RPS6KA2: variants seen among roughly 807,000 people sequenced by gnomAD.
The protein encoded by RPS6KA2 is ribosomal protein S6 kinase A2, also known as ribosomal protein S6 kinase alpha-2.
RPS6KA2 carries 42 observed loss-of-function variants against 91.8 expected under a neutral mutation model. The observed-to-expected ratio is 0.46, with a 90% CI of 0.36 to 0.59. The LOEUF is 0.59. Among genes scored for constraint, RPS6KA2 ranks in the 20% least tolerant of loss-of-function variants. The pLI, the probability that RPS6KA2 is intolerant of heterozygous loss-of-function variation, is 0.00. For synonymous variants in RPS6KA2, 414 were observed against 393.6 expected, an observed-to-expected ratio of 1.05 and a Z score of -0.61; for missense variants, 798 against 978.5, an observed-to-expected ratio of 0.82 and a Z score of 2.46.
chr6:166,671,696 A>G (rs566960869), intron 2 of RPS6KA2, among the ~76,000 whole-genome samples: 2 of 152,254 alleles, frequency 1.3e-5, no homozygotes, highest in African/African-American at 4.8e-5. Flanking sequence ...CAGCGCAGGG[A>G]AAAATGCAAA....
intron 2 of RPS6KA2, among the ~76,000 whole-genome samples, chr6:166,644,831 G>A (rs1159855433): frequency 6.6e-6 from 1 of 152,212 alleles, no homozygotes; most frequent in Non-Finnish European, 1.5e-5. Flanking sequence ...AATTGGATTA[G>A]GGTGGCTCTA....
At chr6:166,836,448 C>T (rs1343122869) in intron 2 of RPS6KA2, among the ~76,000 whole-genome samples, 1 of 151,606 alleles carries the variant, frequency 6.6e-6, no homozygotes, top group African/African-American at 2.4e-5. Flanking sequence ...AGTAAATATA[C>T]ATGTTAATTA....
chr6:166,803,357 T>C (rs760586964), intron 2 of RPS6KA2, among the ~76,000 whole-genome samples: 9 of 152,330 alleles, frequency 5.9e-5, no homozygotes, highest in Middle Eastern at 6.8e-3. Context: ...CCAAAACAGG[T>C]TGCTGAGCTG....
rs367768019 is a variant in RPS6KA2, at chr6:166,531,280, C to A, written c.250G>T (p.Ala84Ser). Residue 84 changes from alanine (A) to serine (S), a missense_variant, in exon 3 of 21, where the codon GCT becomes TCT. Physicochemically the swap from Ala to Ser is moderately conservative, Grantham distance 99. Transcript: ENST00000265678. Reference sequence around the variant, plus strand: ...ACCTTCATGGCGTAGAGCTGCCCAGCGTCGGACCCCTTCACCTTCCTCACC... The same window carrying A: ...ACCTTCATGGCGTAGAGCTGCCCAGAGTCGGACCCCTTCACCTTCCTCACC... Reference protein sequence around the residue: ...FLVRKVKGSDAGQLYAMKVLK... With the variant: ...FLVRKVKGSDSGQLYAMKVLK... 2.5e-6 allele frequency: 4 copies of A among 1,614,120 alleles called. No individual in the cohort carries two copies. The highest frequency in any genetic ancestry group is 1.7e-6 in the Non-Finnish European group (2 of 1,179,986).
chr6:166,572,333 A>G (rs1056744844), intron 1 of RPS6KA2, among the ~76,000 whole-genome samples: 2 of 152,280 alleles, frequency 1.3e-5, no homozygotes, highest in South Asian at 2.1e-4. Context: ...CAACATAAAC[A>G]TGAACGATTA....
upstream of RPS6KA2, chr6:166,862,712 G>GTTA (rs1781081588): frequency 6.6e-6 from 1 of 151,438 alleles, no homozygotes; most frequent in Non-Finnish European, 1.5e-5. Flanking sequence ...GCGGGGGGGG[G>GTTA]GGGCGGCAGG....
At chr6:166,581,215 C>T (rs1214292821) in intron 1 of RPS6KA2, among the ~76,000 whole-genome samples, 1 of 152,218 alleles carries the variant, frequency 6.6e-6, no homozygotes, top group Non-Finnish European at 1.5e-5. Flanking sequence ...TAATATTGCA[C>T]ATACATATTG....
intron 2 of RPS6KA2, among the ~76,000 whole-genome samples, chr6:166,799,535 T>G (rs1479441126): frequency 6.6e-6 from 1 of 151,344 alleles, no homozygotes; most frequent in East Asian, 1.9e-4. Context: ...AATTTGAGCT[T>G]ATAGAGAAAA....
At chr6:166,468,818 C>T (rs986392589) in intron 11 of RPS6KA2, among the ~76,000 whole-genome samples, 17 of 139,778 alleles carry the variant, frequency 1.2e-4, no homozygotes, top group African/African-American at 4.4e-4. Flanking sequence ...GAGCCGAGAT[C>T]GCGCCACTGC....
intron 16 of RPS6KA2, among the ~76,000 whole-genome samples, chr6:166,427,070 G>C (rs200325863): frequency 7.8e-6 from 1 of 127,494 alleles, no homozygotes; most frequent in African/African-American, 2.9e-5. Flanking sequence ...CTGGCAAACC[G>C]AATCCAGCAG....
chr6:166,796,350 G>T (rs887644312), intron 2 of RPS6KA2, among the ~76,000 whole-genome samples: 1 of 152,168 alleles, frequency 6.6e-6, no homozygotes, highest in Non-Finnish European at 1.5e-5. Flanking sequence ...CAGCACTTTG[G>T]GAGGCCGAGG....
chr6:166,802,977 G>T (rs970194537), intron 2 of RPS6KA2, among the ~76,000 whole-genome samples: 2 of 151,324 alleles, frequency 1.3e-5, no homozygotes, highest in African/African-American at 4.9e-5. Flanking sequence ...ATGATTAAAT[G>T]AGACCAATTA....
intron 2 of RPS6KA2, among the ~76,000 whole-genome samples, chr6:166,791,551 A>G (rs555296328): frequency 6.6e-6 from 1 of 152,336 alleles, no homozygotes; most frequent in African/African-American, 2.4e-5. Flanking sequence ...CCCCAAATCA[A>G]CAGAATGTAC....
Position 166,500,624 on chromosome 6 carries a change from C to G in RPS6KA2, c.604+263G>C, listed in dbSNP as rs956597770. Among the ~76,000 whole-genome samples, 4 of 152,122 alleles carry G rather than the reference C, an allele frequency of 2.6e-5. No individual in the cohort carries two copies. Among genetic ancestry groups the G allele is most frequent in the African/African-American group, 9.7e-5 (4 of 41,408 alleles). Reference sequence around the variant, plus strand: ...TGGGACTCCTGAACTAAACACCCAGCGACGCTGAAGGAGCCCAGCAAACAG... The same window carrying G: ...TGGGACTCCTGAACTAAACACCCAGGGACGCTGAAGGAGCCCAGCAAACAG... On this transcript the variant is annotated intron_variant, in intron 7 of 20. Coordinates refer to ENST00000265678, the MANE Select transcript of RPS6KA2 (RefSeq NM_021135.6). This position sits in a 1 kb window ranked among gnomAD's most constrained non-coding sequence, Gnocchi z 4.3.
In RPS6KA2 at chr6:166,719,812, C is replaced by A. The variant is rs556064824; in HGVS notation, c.123+138388G>T. 3.9e-5 allele frequency among the ~76,000 whole-genome samples: 6 copies of A among 152,334 alleles called. No individual in the cohort carries two copies. The East Asian group carries it at 1.2e-3, about 29-fold the overall frequency. ...ATCATCAGTCTTGCATTGATCCCAA[C>A]AAGCATCATCCTAGTTATGCTGATT... On this transcript the variant is annotated intron_variant, in intron 2 of 21. Transcript: ENST00000503859.
At chr6:166,672,936 A>AGCGTGGGTTTGATGTTG (rs1788512782) in intron 2 of RPS6KA2, among the ~76,000 whole-genome samples, 1 of 152,040 alleles carries the variant, frequency 6.6e-6, no homozygotes, top group South Asian at 2.1e-4. Context: ...CCTGGCTTGG[A>AGCGTGGGTTTGATGTTG]GCGTGGGTTT....
chr6:166,631,096 C>T (rs1399998510), upstream of RPS6KA2, among the ~76,000 whole-genome samples: 1 of 152,216 alleles, frequency 6.6e-6, no homozygotes, highest in Non-Finnish European at 1.5e-5. Context: ...GCCAACCAAG[C>T]CATGTCAGAA....
chr6:166,714,087 C>A (rs1307826544), intron 2 of RPS6KA2, among the ~76,000 whole-genome samples: 5 of 152,242 alleles, frequency 3.3e-5, no homozygotes, highest in Admixed American at 3.3e-4. Context: ...TCCTGGCCAG[C>A]CATCAGTGAT....
chr6:166,794,134 C>G (rs1213428471), intron 2 of RPS6KA2, among the ~76,000 whole-genome samples: 3 of 141,234 alleles, frequency 2.1e-5, no homozygotes, highest in African/African-American at 7.6e-5. Context: ...CCAGAATCTA[C>G]AATGAACTCA....
Sources: allele counts gnomAD v4.1 joint callset (sites outside exome capture counted in the v4.1 genomes callset), GRCh38; gene constraint gnomAD v4.1.1; non-coding constraint Gnocchi (gnomAD v3.1); transcripts MANE v1.5; gene names NCBI Gene and HGNC (gene_info 2026-07-23, HGNC 2026-07-21).